The following FGGY variants were observed in gnomAD, a reference collection of about 807,000 sequenced individuals.
FGGY encodes the protein FGGY carbohydrate kinase domain-containing protein.
Under a neutral mutation model 71.3 loss-of-function variants are expected in FGGY, and 72 were observed. That is an observed-to-expected ratio of 1.01 (90% CI 0.84 to 1.23). The LOEUF (loss-of-function observed/expected upper bound fraction) is 1.23, where lower values mean the gene tolerates loss of function less well. FGGY is among the 50% of genes most tolerant of loss of function. The pLI is 0.00. For missense variants in FGGY, 668 were observed against 682.3 expected, an observed-to-expected ratio of 0.98 and a Z score of 0.23; for synonymous variants, 251 against 250.3, an observed-to-expected ratio of 1.00 and a Z score of -0.02.
intron 8 of FGGY, among the ~76,000 whole-genome samples, chr1:59,585,829 A>G (rs2096275948): frequency 6.6e-6 from 1 of 151,982 alleles, no homozygotes; most frequent in Non-Finnish European, 1.5e-5. Context: ...TGCAAGAAAA[A>G]AACCCCATCA....
chr1:59,460,202 T>C (rs867084620), intron 6 of FGGY, among the ~76,000 whole-genome samples: 5 of 152,096 alleles, frequency 3.3e-5, no homozygotes, highest in Non-Finnish European at 5.9e-5. Flanking sequence ...GCCCAAATAC[T>C]GGGCTTTTCC....
chr1:59,647,142 C>T (rs1408769101), intron 11 of FGGY, among the ~76,000 whole-genome samples: 1 of 152,066 alleles, frequency 6.6e-6, no homozygotes, highest in Non-Finnish European at 1.5e-5. Context: ...ATAAACAATG[C>T]AAAGGAACTA....
intron 14 of FGGY, among the ~76,000 whole-genome samples, chr1:59,678,611 G>C (rs1407566895): frequency 6.6e-6 from 1 of 152,162 alleles, no homozygotes; most frequent in East Asian, 1.9e-4. Context: ...AACATGAAAT[G>C]GCTCTCCACT....
chr1:59,409,596 T>TATATA (rs1557833921), intron 5 of FGGY, among the ~76,000 whole-genome samples: 8 of 84,048 alleles, frequency 9.5e-5, no homozygotes, highest in Admixed American at 2.6e-4. Context: ...AGGAAGAGTT[T>TATATA]TTTATATATA....
intron 7 of FGGY, among the ~76,000 whole-genome samples, chr1:59,539,049 A>G (rs922747400): frequency 6.6e-6 from 1 of 152,200 alleles, no homozygotes; most frequent in African/African-American, 2.4e-5. Context: ...TAAAATAAAA[A>G]TATTAAGTAC....
At chr1:59,544,366 A>G (rs1034667897) in intron 7 of FGGY, among the ~76,000 whole-genome samples, 2 of 152,182 alleles carry the variant, frequency 1.3e-5, no homozygotes, top group African/African-American at 4.8e-5. Flanking sequence ...CTGTTAGTGC[A>G]GTTTCATCCG....
chr1:59,338,104 GTTTGTAC>G (rs1481286314), intron 2 of FGGY, among the ~76,000 whole-genome samples: 2 of 152,044 alleles, frequency 1.3e-5, no homozygotes, highest in Non-Finnish European at 2.9e-5. Context: ...ATCATTTGGT[GTTTGTAC>G]TTTGTTCTGT....
chr1:59,442,440 TTTTG>T (rs1162560716), intron 5 of FGGY, among the ~76,000 whole-genome samples: 2 of 152,154 alleles, frequency 1.3e-5, no homozygotes, highest in Non-Finnish European at 2.9e-5. Flanking sequence ...TTGTTTTTGT[TTTTG>T]TTTTTGTTTT....
At chr1:59,315,593 A>G (rs2045294483) in intron 1 of FGGY, 1 of 152,156 alleles carries the variant, frequency 6.6e-6, no homozygotes, top group Admixed American at 6.5e-5. Flanking sequence ...CTCTTCCAGG[A>G]GCTAGATAAG....
At chr1:59,681,785 C>A (rs1573103095) in intron 14 of FGGY, among the ~76,000 whole-genome samples, 2 of 101,870 alleles carry the variant, frequency 2.0e-5, no homozygotes, top group Admixed American at 1.9e-4. Flanking sequence ...TTGAAAAATA[C>A]ACACACACAC....
At chr1:59,569,589 CCCA>C (rs2095944221) in intron 8 of FGGY, among the ~76,000 whole-genome samples, 2 of 152,096 alleles carry the variant, frequency 1.3e-5, no homozygotes, top group Non-Finnish European at 2.9e-5. Flanking sequence ...GAAAGTGGGT[CCCA>C]CGAACAAAGA....
chr1:59,427,039 A>G (rs990028104), intron 5 of FGGY, among the ~76,000 whole-genome samples: 10 of 152,228 alleles, frequency 6.6e-5, no homozygotes, highest in African/African-American at 2.4e-4. Context: ...TGCAAACAGG[A>G]TAAGCCTGAC....
chr1:59,393,525 G>A (rs928626067), intron 5 of FGGY, among the ~76,000 whole-genome samples: 23 of 152,202 alleles, frequency 1.5e-4, no homozygotes, highest in Non-Finnish European at 2.4e-4. Flanking sequence ...CTAGAGAAAT[G>A]TGGTGATGTG....
intron 6 of FGGY, among the ~76,000 whole-genome samples, chr1:59,492,026 G>A (rs2093881955): frequency 6.6e-6 from 1 of 151,950 alleles, no homozygotes; most frequent in African/African-American, 2.4e-5. Context: ...ATATATTTAG[G>A]GTGATAAAGC....
At chr1:59,512,275 A>T in intron 6 of FGGY, 36 bp from the exon 7 acceptor site, 1 of 1,567,386 alleles carries the variant, frequency 6.4e-7, no homozygotes, top group Non-Finnish European at 8.7e-7. Flanking sequence ...GTGTTTTTCA[A>T]ACTGATGGTG....
At chr1:59,488,982 C>T (rs921351608) in intron 6 of FGGY, among the ~76,000 whole-genome samples, 9 of 152,012 alleles carry the variant, frequency 5.9e-5, no homozygotes, top group Non-Finnish European at 4.4e-5. Context: ...CTTATTAACT[C>T]TTAGTGAGGT....
intron 14 of FGGY, among the ~76,000 whole-genome samples, chr1:59,709,990 C>T (rs1219223819): frequency 6.6e-6 from 1 of 152,168 alleles, no homozygotes. Flanking sequence ...CTTTCCACAC[C>T]TATGCTCATC....
intron 9 of FGGY, among the ~76,000 whole-genome samples, chr1:59,610,642 C>T (rs1354970993): frequency 1.3e-5 from 2 of 152,228 alleles, no homozygotes; most frequent in Non-Finnish European, 2.9e-5. Context: ...GTTCATCTCA[C>T]TGGGGCTTGT....
chr1:59,532,905 A>G (rs1354335326), intron 7 of FGGY, among the ~76,000 whole-genome samples: 1 of 152,228 alleles, frequency 6.6e-6, no homozygotes, highest in Non-Finnish European at 1.5e-5. Flanking sequence ...TTAATAAGTA[A>G]TTTAGCAAGG....
Sources: allele counts gnomAD v4.1 joint callset (sites outside exome capture counted in the v4.1 genomes callset), GRCh38; gene constraint gnomAD v4.1.1; transcripts MANE v1.5; gene names NCBI Gene and HGNC (gene_info 2026-07-23, HGNC 2026-07-21).